The following ACAP2 variants were observed in gnomAD, a reference collection of about 807,000 sequenced individuals.
ACAP2 encodes the protein ArfGAP with coiled-coil, ankyrin repeat and PH domains 2, also known as arf-GAP with coiled-coil, ANK repeat and PH domain-containing protein 2.
In ACAP2, 39 loss-of-function variants were observed where a neutral mutation model predicts 115.8. The ratio of observed to expected loss-of-function variants is 0.34; its 90% CI spans 0.26 to 0.44. The LOEUF (loss-of-function observed/expected upper bound fraction) is 0.44. Among genes scored for constraint, ACAP2 ranks in the 20% least tolerant of loss-of-function variants. ACAP2 has a pLI of 1.00. For synonymous variants in ACAP2, 289 were observed against 315.8 expected, an observed-to-expected ratio of 0.92 and a Z score of 0.90; for missense variants, 662 against 927.6, an observed-to-expected ratio of 0.71 and a Z score of 3.72.
intron 1 of ACAP2, among the ~76,000 whole-genome samples, chr3:195,431,948 T>C (rs757547205): frequency 2.6e-5 from 4 of 152,216 alleles, no homozygotes; most frequent in South Asian, 4.1e-4. Context: ...TTATATGCAT[T>C]GCTAGTTAAT....
At chr3:195,345,634 T>C (rs1386858661) in intron 4 of ACAP2, among the ~76,000 whole-genome samples, 2 of 152,150 alleles carry the variant, frequency 1.3e-5, no homozygotes, top group Non-Finnish European at 2.9e-5. Flanking sequence ...CCTAAAACAG[T>C]AATACAAATT....
chr3:195,433,846 C>T (rs1021871164), intron 1 of ACAP2, among the ~76,000 whole-genome samples: 2 of 152,152 alleles, frequency 1.3e-5, no homozygotes, highest in Admixed American at 6.5e-5. Flanking sequence ...ATTCAGTTTG[C>T]TAGTACTTTC....
chr3:195,295,145 C>T (rs1727557181), intron 17 of ACAP2: 3 of 1,069,398 alleles, frequency 2.8e-6, no homozygotes, highest in Non-Finnish European at 3.8e-6. Context: ...GGCCACACCG[C>T]ACAATGACCA....
At position 195,278,529 on chromosome 3, in the gene ACAP2, A is replaced by G. The variant is rs1359814144; in HGVS notation, c.*799T>C. The G allele has an allele frequency of 6.6e-6, 1 of 152,088 alleles. No homozygotes were observed. Among genetic ancestry groups the G allele is most frequent in the Non-Finnish European group, 1.5e-5 (1 of 68,032 alleles). 9.4% of individuals were successfully genotyped at this position (152,088 alleles called of 1,614,324 possible). A position where few individuals can be genotyped will look rare whatever the true frequency, so the allele number is the denominator to read the frequency against. ...GACATTCAAGTAACCTTTAAAACAT[A>G]CTTTTATTCCATCGATACATCTGTC... On this transcript the variant is annotated 3_prime_UTR_variant, in exon 23 of 23. Transcript: ENST00000326793.
chr3:195,342,321 G>GCTA (rs1417632058), intron 6 of ACAP2, 150 bp downstream of exon 6: 1 of 675,986 alleles, frequency 1.5e-6, no homozygotes, highest in Non-Finnish European at 2.3e-6. Flanking sequence ...TACACTAATA[G>GCTA]CTACACAGAT....
chr3:195,359,218 T>C (rs186351735), intron 4 of ACAP2, among the ~76,000 whole-genome samples: 2 of 152,298 alleles, frequency 1.3e-5, no homozygotes, highest in Admixed American at 6.5e-5. Flanking sequence ...AGGAGATTAA[T>C]GAGCAAGAAG....
intron 17 of ACAP2, among the ~76,000 whole-genome samples, chr3:195,295,036 C>T (rs1727551160): frequency 6.6e-6 from 1 of 152,136 alleles, no homozygotes; most frequent in Admixed American, 6.5e-5. Context: ...TAACACATCT[C>T]ATTACTCCAT....
chr3:195,327,672 C>T (rs1320969154), intron 8 of ACAP2, among the ~76,000 whole-genome samples: 1 of 152,124 alleles, frequency 6.6e-6, no homozygotes, highest in African/African-American at 2.4e-5. Context: ...TGGCTCACAC[C>T]TGTAATCCCA....
chr3:195,347,216 G>C (rs1000590969), intron 4 of ACAP2, among the ~76,000 whole-genome samples: 13 of 151,976 alleles, frequency 8.6e-5, no homozygotes, highest in African/African-American at 3.1e-4. Flanking sequence ...ATATTAACAG[G>C]TTGATTGAAA....
chr3:195,377,618 G>A (rs1733643698), intron 4 of ACAP2, among the ~76,000 whole-genome samples: 1 of 151,968 alleles, frequency 6.6e-6, no homozygotes, highest in Non-Finnish European at 1.5e-5. Flanking sequence ...ACAAATATAG[G>A]AATTCTAGTT....
intron 6 of ACAP2, 70 bp downstream of exon 6, chr3:195,342,401 G>T: frequency 1.4e-6 from 2 of 1,383,730 alleles, no homozygotes; most frequent in South Asian, 3.0e-5. Context: ...TTCTTAGGGC[G>T]ATCACTCAAA....
intron 4 of ACAP2, among the ~76,000 whole-genome samples, chr3:195,376,740 A>G (rs1206354318): frequency 6.6e-6 from 1 of 152,222 alleles, no homozygotes; most frequent in Non-Finnish European, 1.5e-5. Context: ...GGCTAATAAC[A>G]CAAATGGTTT....
chr3:195,320,843 T>C (rs949362957), intron 9 of ACAP2, 30 bp from the exon 10 acceptor site: 7 of 1,498,200 alleles, frequency 4.7e-6, no homozygotes, highest in Middle Eastern at 3.6e-4. Context: ...AAGAAGTTCA[T>C]ATGACTTGAC....
chr3:195,329,362 A>G (rs755687275), intron 8 of ACAP2, among the ~76,000 whole-genome samples: 12 of 152,152 alleles, frequency 7.9e-5, no homozygotes, highest in Non-Finnish European at 1.5e-4. Flanking sequence ...ATAGGTTCCT[A>G]TAACTAAGCA....
intron 1 of ACAP2, among the ~76,000 whole-genome samples, chr3:195,399,810 C>G (rs775489556): frequency 6.6e-6 from 1 of 151,958 alleles, no homozygotes; most frequent in South Asian, 2.1e-4. Flanking sequence ...ACTCAGATAT[C>G]AACAACCCCT....
chr3:195,435,275 A>G (rs1327148876), intron 1 of ACAP2, among the ~76,000 whole-genome samples: 1 of 150,334 alleles, frequency 6.7e-6, no homozygotes, highest in East Asian at 1.9e-4. Context: ...CCCGGGTTCA[A>G]GTGATTCTCC....
chr3:195,334,137 C>G (rs1018290215), intron 7 of ACAP2, among the ~76,000 whole-genome samples: 6 of 150,984 alleles, frequency 4.0e-5, no homozygotes, highest in African/African-American at 1.2e-4. Context: ...TTATTTTCAA[C>G]AAGTGGCATC....
intron 4 of ACAP2, among the ~76,000 whole-genome samples, chr3:195,360,597 C>T (rs923705390): frequency 1.2e-4 from 18 of 152,174 alleles, no homozygotes; most frequent in Admixed American, 7.9e-4. Flanking sequence ...GAGTTCGAGA[C>T]CAGCCTGGCC....
intron 22 of ACAP2, among the ~76,000 whole-genome samples, chr3:195,284,291 A>C (rs1726704473): frequency 1.3e-5 from 2 of 152,254 alleles, no homozygotes; most frequent in Admixed American, 1.3e-4. Flanking sequence ...AAAGTGCTTA[A>C]ACACAAAGGC....
Sources: gnomAD v4.1 joint callset for allele counts (sites outside exome capture counted in the v4.1 genomes callset) on GRCh38, gnomAD v4.1.1 for gene constraint, MANE v1.5 for transcripts, NCBI Gene and HGNC (gene_info 2026-07-23, HGNC 2026-07-21) for gene names.